SPAG16: variants seen among roughly 807,000 people sequenced by gnomAD.
SPAG16 encodes sperm-associated antigen 16 protein.
SPAG16 carries 86 observed loss-of-function variants against 80.4 expected under a neutral mutation model. The observed-to-expected ratio is 1.07, with a 90% CI of 0.90 to 1.28. The LOEUF (loss-of-function observed/expected upper bound fraction) is 1.28. Among genes scored for constraint, SPAG16 ranks in the 50% most tolerant of loss-of-function variants. The pLI, the probability that SPAG16 is intolerant of heterozygous loss-of-function variation, is 0.00. For missense variants in SPAG16, 870 were observed against 765.3 expected (o/e 1.14, Z -1.61); for synonymous variants, 294 against 265.9 (o/e 1.11, Z -1.03).
chr2:214,013,179 C>CTT (rs11382197), intron 12 of SPAG16, among the ~76,000 whole-genome samples: 1,425 of 138,872 alleles, frequency 0.01, 16 homozygotes, highest in Non-Finnish European at 0.015. Flanking sequence ...AGTATTTTGT[C>CTT]TTTTTTTTTT....
intron 9 of SPAG16, among the ~76,000 whole-genome samples, chr2:213,463,309 A>T (rs1053002985): frequency 6.6e-6 from 1 of 152,236 alleles, no homozygotes; most frequent in Non-Finnish European, 1.5e-5. Context: ...TCTGGGGAGA[A>T]ATTCAAGCCA....
At chr2:213,322,013 T>TTAC (rs2063629451) in intron 5 of SPAG16, among the ~76,000 whole-genome samples, 1 of 151,846 alleles carries the variant, frequency 6.6e-6, no homozygotes, top group African/African-American at 2.4e-5. Context: ...ACATGGCACA[T>TTAC]GTATACATAT....
At chr2:213,741,611 T>A (rs550938654) in intron 10 of SPAG16, among the ~76,000 whole-genome samples, 89 of 152,286 alleles carry the variant, frequency 5.8e-4, no homozygotes, top group South Asian at 8.3e-4. Context: ...TTTCAGATTT[T>A]AAAAAATAAT....
chr2:214,127,743 CCA>C (rs1250804736), intron 14 of SPAG16, among the ~76,000 whole-genome samples: 1 of 151,894 alleles, frequency 6.6e-6, no homozygotes, highest in Non-Finnish European at 1.5e-5. Context: ...CTCTTCCTCA[CCA>C]CACACCCTCA....
intron 10 of SPAG16, among the ~76,000 whole-genome samples, chr2:213,852,357 A>G (rs2074949800): frequency 6.6e-6 from 1 of 152,174 alleles, no homozygotes; most frequent in Admixed American, 6.5e-5. Context: ...TATATTAATC[A>G]TATATAATTC....
At chr2:213,818,567 A>G (rs1413211750) in intron 10 of SPAG16, among the ~76,000 whole-genome samples, 1 of 152,102 alleles carries the variant, frequency 6.6e-6, no homozygotes. Context: ...CTACTCATCT[A>G]TTGTTGGTTC....
At chr2:213,651,546 G>A (rs551235756) in intron 10 of SPAG16, among the ~76,000 whole-genome samples, 1 of 152,268 alleles carries the variant, frequency 6.6e-6, no homozygotes, top group South Asian at 2.1e-4. Context: ...AAGCAGATGA[G>A]TGACATGTAT....
At position 214,298,074 on chromosome 2, in the gene SPAG16, CTATA is replaced by C. The variant is rs34462560; in HGVS notation, c.1721-112050_1721-112047del. ...TTTACCTTCTTGGTTAGATGTATGC[CTATA>C]TATATATATATATATGTATGCATAT... is the stretch of plus-strand genomic sequence containing the variant. On this transcript the variant is annotated intron_variant, in intron 15 of 15. Coordinates refer to ENST00000331683, the MANE Select transcript of SPAG16 (RefSeq NM_024532.5). 4.9e-3 allele frequency among the ~76,000 whole-genome samples: 671 copies of C among 137,038 alleles called. 6 individuals are homozygous for C. The highest frequency in any genetic ancestry group is 0.017 in the African/African-American group (638 of 37,260). 89.9% of individuals were successfully genotyped at this position (137,038 alleles called of 152,430 possible).
chr2:214,058,659 C>A (rs953303488), intron 13 of SPAG16, among the ~76,000 whole-genome samples: 3 of 152,006 alleles, frequency 2.0e-5, no homozygotes, highest in African/African-American at 7.3e-5. Context: ...TTGTAAAAAG[C>A]ACAATATCTG....
At chr2:214,109,071 C>T (rs1280056327) in intron 14 of SPAG16, among the ~76,000 whole-genome samples, 1 of 152,158 alleles carries the variant, frequency 6.6e-6, no homozygotes, top group African/African-American at 2.4e-5. Context: ...AGTCTTTTTG[C>T]TCTCTTGCTC....
At chr2:213,996,858 G>A (rs754243831) in intron 12 of SPAG16, among the ~76,000 whole-genome samples, 5 of 152,178 alleles carry the variant, frequency 3.3e-5, no homozygotes, top group South Asian at 2.1e-4. Flanking sequence ...GTGAGCCGCC[G>A]CACCCGGCCC....
At chr2:213,765,596 T>C (rs2068896530) in intron 10 of SPAG16, among the ~76,000 whole-genome samples, 1 of 149,286 alleles carries the variant, frequency 6.7e-6, no homozygotes, top group South Asian at 2.1e-4. Flanking sequence ...CAATGTCACG[T>C]GTGTGTGTGT....
chr2:213,892,732 A>C (rs1247202274), intron 11 of SPAG16, among the ~76,000 whole-genome samples: 2 of 152,180 alleles, frequency 1.3e-5, no homozygotes. Flanking sequence ...AGTGGACTCA[A>C]ACACAGCCTA....
intron 10 of SPAG16, among the ~76,000 whole-genome samples, chr2:213,574,006 G>C (rs965515164): frequency 1.3e-5 from 2 of 152,140 alleles, no homozygotes; most frequent in African/African-American, 4.8e-5. Flanking sequence ...TTTCTAATAA[G>C]TTGTCAGGTG....
chr2:214,059,898 A>G (rs2125172886), intron 13 of SPAG16, among the ~76,000 whole-genome samples: 1 of 152,232 alleles, frequency 6.6e-6, no homozygotes, highest in African/African-American at 2.4e-5. Context: ...AGGTTATGTT[A>G]TCTGTCAAAT....
In SPAG16 at chr2:213,576,832, G is replaced by A. The variant is rs1053310845; in HGVS notation, c.1070+86742G>A. ...ATAGAGGGGAACAAAACACACTGGG[G>A]CCTTTTGGAGGGTGGAGGGTGGGAG... On this transcript the variant is annotated intron_variant, in intron 10 of 15. Transcript: ENST00000331683. Among the ~76,000 whole-genome samples the A allele has an allele frequency of 7.9e-5, 12 of 152,208 alleles. 1 individual carries two copies. Among genetic ancestry groups the A allele is most frequent in the Middle Eastern group, 3.4e-3 (1 of 294 alleles).
At chr2:213,894,773 G>A (rs934209803) in intron 11 of SPAG16, among the ~76,000 whole-genome samples, 6 of 151,718 alleles carry the variant, frequency 4.0e-5, no homozygotes, top group Admixed American at 6.6e-5. Context: ...GGAAGATCAC[G>A]AGGTCAGGAG....
intron 13 of SPAG16, among the ~76,000 whole-genome samples, chr2:214,064,100 A>AATTATTCAATAAT (rs2050415508): frequency 6.6e-6 from 1 of 152,200 alleles, no homozygotes; most frequent in African/African-American, 2.4e-5. Context: ...CATATTGAAT[A>AATTATTCAATAAT]ATTGTGGAAA....
At chr2:213,894,546 C>T (rs1236306873) in intron 11 of SPAG16, among the ~76,000 whole-genome samples, 1 of 152,046 alleles carries the variant, frequency 6.6e-6, no homozygotes, top group Admixed American at 6.6e-5. Context: ...ACAAGGATGC[C>T]CACTTACCAC....
Sources: gnomAD v4.1 joint callset for allele counts (sites outside exome capture counted in the v4.1 genomes callset) on GRCh38, gnomAD v4.1.1 for gene constraint, MANE v1.5 for transcripts, NCBI Gene and HGNC (gene_info 2026-07-23, HGNC 2026-07-21) for gene names.